The following XYLB variants were observed in gnomAD, a reference collection of about 807,000 sequenced individuals.
XYLB encodes xylulokinase, also known as xylulose kinase.
A neutral mutation model predicts 78.7 loss-of-function variants in XYLB; 62 were observed. That is an observed-to-expected ratio of 0.79 (90% confidence interval 0.64 to 0.97). The LOEUF is 0.97. Among genes scored for constraint, XYLB ranks in the 50% least tolerant of loss-of-function variants. The pLI is 0.00. For synonymous variants in XYLB, 245 were observed against 247.4 expected (o/e 0.99, Z 0.09); for missense variants, 687 against 676.8 (o/e 1.02, Z -0.17).
At chr3:38,419,030 C>G (rs900064733), downstream of XYLB, among the ~76,000 whole-genome samples, 1 of 152,110 alleles carries the variant, frequency 6.6e-6, no homozygotes, top group Non-Finnish European at 1.5e-5. Context: ...TGAAACTCTA[C>G]TCACTAAACA....
chr3:38,373,329 C>A (rs997989922), intron 10 of XYLB, among the ~76,000 whole-genome samples: 1 of 152,300 alleles, frequency 6.6e-6, no homozygotes, highest in African/African-American at 2.4e-5. Context: ...ACCTCACCCC[C>A]ACCCCAGGAA....
intron 17 of XYLB, among the ~76,000 whole-genome samples, chr3:38,399,548 C>A (rs1376635842): frequency 1.3e-5 from 2 of 152,154 alleles, no homozygotes; most frequent in African/African-American, 4.8e-5. Flanking sequence ...GTAAAAGACT[C>A]TATGTTCAAA....
At chr3:38,422,820 G>T (rs1022756771), downstream of XYLB, among the ~76,000 whole-genome samples, 1 of 151,846 alleles carries the variant, frequency 6.6e-6, no homozygotes, top group Non-Finnish European at 1.5e-5. Context: ...AATTTACAAG[G>T]GTTAAAAAAA....
At chr3:38,419,534 G>T (rs1293747871), downstream of XYLB, among the ~76,000 whole-genome samples, 1 of 130,710 alleles carries the variant, frequency 7.7e-6, no homozygotes, top group Non-Finnish European at 1.6e-5. Context: ...TAATGCACAG[G>T]GATCTAGTTT....
At chr3:38,434,270 A>G in the XYLB span, among the ~76,000 whole-genome samples, 57 of 152,360 alleles carry the variant, frequency 3.7e-4, no homozygotes, top group South Asian at 3.3e-3. Context: ...ACAGTACATT[A>G]TAGTCTGATT....
chr3:38,346,786 T>C lies in XYLB; in HGVS notation c.-83T>C. 1 of 1,385,584 alleles carries C rather than the reference T, an allele frequency of 7.2e-7. No individual in the cohort carries two copies. Among genetic ancestry groups the C allele is most frequent in the Non-Finnish European group, 9.5e-7 (1 of 1,055,594 alleles). 85.8% of individuals were successfully genotyped at this position (1,385,584 alleles called of 1,614,324 possible). On this transcript the variant is annotated 5_prime_UTR_variant, in exon 1 of 19. Transcript: ENST00000207870. ...GCGGAGCTAGGGGCGGGCCCCTGCG[T>C]CTCTGGGCGCTGGAGCGCGGCGACT...
the XYLB span, among the ~76,000 whole-genome samples, chr3:38,432,125 C>CT: frequency 0.99 from 151,273 of 152,280 alleles, 75,136 homozygotes; most frequent in Admixed American, 1. Context: ...TCCCAAATCT[C>CT]TGTCCTCACA....
At chr3:38,348,433 G>T (rs887919480) in intron 1 of XYLB, 117 bp from the exon 2 acceptor site, 21 of 861,892 alleles carry the variant, frequency 2.4e-5, no homozygotes, top group Non-Finnish European at 3.9e-5. Context: ...CTTCAAGGAG[G>T]TCTCTAGGTT....
chr3:38,410,355 C>T (rs972335995), intron 18 of XYLB, among the ~76,000 whole-genome samples: 5 of 152,170 alleles, frequency 3.3e-5, no homozygotes, highest in African/African-American at 9.7e-5. Context: ...AACTGGATCC[C>T]TTCCTTACAC....
chr3:38,395,571 TTAG>T lies in XYLB; in HGVS notation c.1350+13_1350+15del. On this transcript the variant is annotated intron_variant, in intron 16 of 18. Coordinates refer to ENST00000207870, the MANE Select transcript of XYLB (RefSeq NM_005108.4). ...AATAGAGAAATCTTACAGGTAAGCG[TTAG>T]TAGTGGGCCTTACACCATGGCCTCT... The T allele has an allele frequency of 6.2e-7, 1 of 1,613,998 alleles. No homozygotes were observed. Among genetic ancestry groups the T allele is most frequent in the East Asian group, 2.2e-5 (1 of 44,884 alleles).
chr3:38,403,264 A>T (rs1036562735), intron 18 of XYLB, among the ~76,000 whole-genome samples: 1 of 150,936 alleles, frequency 6.6e-6, no homozygotes, highest in Non-Finnish European at 1.5e-5. Flanking sequence ...ACTGCACTCC[A>T]GCCTGGGCGA....
intron 9 of XYLB, 89 bp from the exon 10 acceptor site, chr3:38,372,566 G>C: frequency 6.2e-7 from 1 of 1,603,354 alleles, no homozygotes; most frequent in Non-Finnish European, 8.5e-7. Context: ...GGAGACTGTA[G>C]CGTTTTCGTG....
At chr3:38,415,230 T>A (rs1166746014), downstream of XYLB, among the ~76,000 whole-genome samples, 1 of 152,204 alleles carries the variant, frequency 6.6e-6, no homozygotes, top group African/African-American at 2.4e-5. Flanking sequence ...GAACTGAGGA[T>A]TTCATATTTC....
rs760657644 is a variant in XYLB, at chr3:38,374,510, G to T, written c.888+8G>T. 4 of 1,613,380 alleles carry T rather than the reference G, an allele frequency of 2.5e-6. No homozygotes were observed. The highest frequency in any genetic ancestry group is 2.2e-5 in the South Asian group (2 of 91,038). On this transcript the variant is annotated splice_region_variant and intron_variant, in intron 11 of 18. Transcript: ENST00000207870. ...GAGGAAGGTGACATTGCGGTAAGGC[G>T]ACTTCCCACACCCATAGGCTCTTTC... is the stretch of plus-strand genomic sequence containing the variant.
chr3:38,389,058 G>A (rs1484186118), intron 15 of XYLB, among the ~76,000 whole-genome samples: 80 of 148,766 alleles, frequency 5.4e-4, no homozygotes, highest in South Asian at 4.4e-3. Flanking sequence ...AGTGAACAAA[G>A]GTCTCTGGTT....
the XYLB span, among the ~76,000 whole-genome samples, chr3:38,448,096 C>T: frequency 2.0e-5 from 3 of 151,976 alleles, no homozygotes; most frequent in African/African-American, 7.3e-5. Flanking sequence ...TTGGCAGCAT[C>T]GTGGATGGAT....
At chr3:38,350,791 TC>T (rs1267798570) in intron 2 of XYLB, among the ~76,000 whole-genome samples, 1 of 145,510 alleles carries the variant, frequency 6.9e-6, no homozygotes, top group Non-Finnish European at 1.5e-5. Flanking sequence ...TCATTTTTTT[TC>T]GTTCAAAATA....
At chr3:38,370,300 C>A in intron 9 of XYLB, 126 bp downstream of exon 9, 1 of 687,766 alleles carries the variant, frequency 1.5e-6, no homozygotes. Context: ...CACTCACCCA[C>A]AGGCATACAC....
At chr3:38,452,836 T>G in the XYLB span, 1 of 152,220 alleles carries the variant, frequency 6.6e-6, no homozygotes, top group South Asian at 2.1e-4. Flanking sequence ...ATGGGAAAAC[T>G]GAGGCTCAGA....
Sources: gnomAD v4.1 joint callset for allele counts (sites outside exome capture counted in the v4.1 genomes callset) on GRCh38, gnomAD v4.1.1 for gene constraint, MANE v1.5 for transcripts, NCBI Gene and HGNC (gene_info 2026-07-23, HGNC 2026-07-21) for gene names.